FAM181A: variants seen among roughly 807,000 people sequenced by gnomAD.
FAM181A encodes the protein family with sequence similarity 181 member A.
Under a neutral mutation model 16.3 loss-of-function variants are expected in FAM181A, and 7 were observed. That is an observed-to-expected ratio of 0.43 (90% confidence interval 0.24 to 0.81). The LOEUF is 0.81. FAM181A is among the 30% of genes least tolerant of loss of function. The pLI, the probability that FAM181A is intolerant of heterozygous loss-of-function variation, is 0.24. For missense variants in FAM181A, 349 were observed against 377.5 expected (o/e 0.92, Z 0.63); for synonymous variants, 183 against 164.9 (o/e 1.11, Z -0.84).
chr14:93,919,212 T>A (rs1445714525), intron 1 of FAM181A, among the ~76,000 whole-genome samples: 1 of 152,162 alleles, frequency 6.6e-6, no homozygotes, highest in African/African-American at 2.4e-5. Context: ...GAGATTGATG[T>A]GTTTGTTGAG....
At chr14:93,921,592 TA>T (rs1887726056) in intron 1 of FAM181A, among the ~76,000 whole-genome samples, 1 of 152,238 alleles carries the variant, frequency 6.6e-6, no homozygotes, top group Non-Finnish European at 1.5e-5. Flanking sequence ...AGAGGTTACA[TA>T]AATCATCTTG....
Position 93,928,618 on chromosome 14 carries a change from G to A in FAM181A, c.333G>A (p.Lys111=). Residue 111 remains lysine, a synonymous_variant, in exon 2 of 2, where the codon AAG becomes AAA. Transcript: ENST00000556222. ...RNPYREECLA[K]EQLPQRQHPE... ...CCTACAGGGAGGAATGTCTTGCTAA[G>A]GAGCAGCTCCCACAGAGGCAGCATC... 4 of 1,613,962 alleles carry A rather than the reference G, an allele frequency of 2.5e-6. No homozygotes were observed. The highest frequency in any genetic ancestry group is 3.4e-6 in the Non-Finnish European group (4 of 1,179,984).
rs565611103 is a variant in FAM181A at position 93,920,142 on chromosome 14, G to A, written c.-225+1148G>A. ...TTAGAAGTGAAATGCAGTCAGGTGT[G>A]GTGGCTCATACCTGTAATCCCAGCA... On this transcript the variant is annotated intron_variant, in intron 1 of 2. Transcript: ENST00000267594. Among the ~76,000 whole-genome samples, 3 of 152,298 alleles carry A rather than the reference G, an allele frequency of 2.0e-5. No individual in the cohort carries two copies. The East Asian group carries it at 5.8e-4, about 29-fold the overall frequency.
At chr14:93,921,082 C>T (rs1008778248) in intron 1 of FAM181A, among the ~76,000 whole-genome samples, 5 of 152,194 alleles carry the variant, frequency 3.3e-5, no homozygotes, top group East Asian at 3.8e-4. Context: ...CACTGTATCA[C>T]GATAGCACCA....
rs534202980 is a variant in FAM181A, at chr14:93,928,925, T to C, written c.640T>C (p.Cys214Arg). Residue 214 changes from cysteine to arginine, a missense_variant, in exon 2 of 2, where the codon TGC becomes CGC. Coordinates refer to ENST00000556222, the MANE Select transcript of FAM181A (RefSeq NM_001207073.2). ...LVGRVNAWSC[C>R]PFQYHGQPIY... The stretch of plus-strand genomic sequence containing the variant: ...GGGCCGCGTCAATGCCTGGAGTTGC[T>C]GCCCCTTCCAGTACCATGGACAGCC... 1.1e-5 allele frequency: 17 copies of C among 1,614,160 alleles called. No individual in the cohort carries two copies. Among genetic ancestry groups the C allele is most frequent in the Non-Finnish European group, 1.4e-5 (16 of 1,180,004 alleles).
In FAM181A at chr14:93,927,361, C is replaced by G; in HGVS notation, c.-181C>G. The G allele has an allele frequency of 8.9e-7, 1 of 1,128,486 alleles. No homozygotes were observed. The highest frequency in any genetic ancestry group is 1.1e-6 in the Non-Finnish European group (1 of 910,118). The allele number at this position is 1,128,486 out of a possible 1,614,324, so 69.9% of individuals were successfully genotyped here. A position where few individuals can be genotyped will look rare whatever the true frequency, so the allele number is the denominator to read the frequency against. On this transcript the variant is annotated 5_prime_UTR_variant, in exon 1 of 2. Transcript: ENST00000556222. Reference sequence around the variant, plus strand: ...CAAGGGTTGCACAACTGCTTCCAGCCGGACGGAGCTCGGCCGGCTGCGCCG... The same window carrying G: ...CAAGGGTTGCACAACTGCTTCCAGCGGGACGGAGCTCGGCCGGCTGCGCCG...
At chr14:93,924,852 C>T (rs1160797252), upstream of FAM181A, among the ~76,000 whole-genome samples, 4 of 152,166 alleles carry the variant, frequency 2.6e-5, no homozygotes, top group Admixed American at 2.6e-4. Flanking sequence ...GTAACTCAAC[C>T]TCACTTCATT....
upstream of FAM181A, chr14:93,922,445 T>C (rs1037246163): frequency 6.6e-6 from 1 of 152,172 alleles, no homozygotes; most frequent in African/African-American, 2.4e-5. Context: ...ATCCCAGCAC[T>C]TTGGGAGGCT....
upstream of FAM181A, among the ~76,000 whole-genome samples, chr14:93,926,691 C>T (rs549629672): frequency 7.9e-5 from 12 of 152,258 alleles, no homozygotes; most frequent in South Asian, 2.1e-4. This position sits in a 1 kb window ranked among gnomAD's most constrained non-coding sequence, Gnocchi z 5.2. Flanking sequence ...CCCAGCACCT[C>T]GTTAGAGAGT....
Position 93,927,400 on chromosome 14 carries a change from G to C in FAM181A, c.-142G>C. 2 of 1,162,050 alleles carry C rather than the reference G, an allele frequency of 1.7e-6. No individual in the cohort carries two copies. Among genetic ancestry groups the C allele is most frequent in the Non-Finnish European group, 2.2e-6 (2 of 926,514 alleles). 72.0% of individuals were successfully genotyped at this position (1,162,050 alleles called of 1,614,324 possible). A position where few individuals can be genotyped will look rare whatever the true frequency, so the allele number is the denominator to read the frequency against. ...CCGGCTGCGCCGGGGCCTGTCCCAG[G>C]TCTGCAGTGGGGAACCTGCCGGGCC... On this transcript the variant is annotated 5_prime_UTR_variant, in exon 1 of 2. Transcript: ENST00000556222.
At position 93,928,947 on chromosome 14, in the gene FAM181A, A is replaced by T; in HGVS notation, c.662A>T (p.Gln221Leu). 1 of 1,614,126 alleles carries T rather than the reference A, an allele frequency of 6.2e-7. No homozygotes were observed. Among genetic ancestry groups the T allele is most frequent in the Non-Finnish European group, 8.5e-7 (1 of 1,179,984 alleles). The change falls in exon 2 of 2, where the codon CAG becomes CTG. Residue 221 changes from glutamine to leucine, a missense_variant. Gln to Leu is a moderately radical substitution (Grantham distance 113, BLOSUM62 -2). Transcript: ENST00000556222. Reference sequence around the variant, plus strand: ...TGCTGCCCCTTCCAGTACCATGGACAGCCCATCTATCCGGGCCCCCTGGGG... The same window carrying T: ...TGCTGCCCCTTCCAGTACCATGGACTGCCCATCTATCCGGGCCCCCTGGGG... ...WSCCPFQYHG[Q>L]PIYPGPLGAL...
upstream of FAM181A, among the ~76,000 whole-genome samples, chr14:93,926,692 G>A (rs1277603734): frequency 6.6e-6 from 1 of 151,996 alleles, no homozygotes; most frequent in African/African-American, 2.4e-5. The surrounding 1 kb of genome is among the most constrained non-coding windows in gnomAD (Gnocchi z 5.2). Context: ...CCAGCACCTC[G>A]TTAGAGAGTC....
In FAM181A at chr14:93,928,462, T is replaced by C. The variant is rs754966355; in HGVS notation, c.177T>C (p.Leu59=). The C allele has an allele frequency of 6.2e-7, 1 of 1,611,562 alleles. No homozygotes were observed. The highest frequency in any genetic ancestry group is 8.5e-7 in the Non-Finnish European group (1 of 1,178,206). ...AGTATTCCCGGCTCCCGCGGGGCCT[T>C]CCTGGCAGAGCTGCTGAGCCCTACC... is the stretch of plus-strand genomic sequence containing the variant. ...SQKYSRLPRG[L]PGRAAEPYLK... Residue 59 remains leucine, a synonymous_variant, in exon 2 of 2, where the codon CTT becomes CTC. Coordinates refer to ENST00000556222, the MANE Select transcript of FAM181A (RefSeq NM_001207073.2).
chr14:93,925,038 C>T (rs1887848077), upstream of FAM181A: 2 of 516,878 alleles, frequency 3.9e-6, no homozygotes, highest in Non-Finnish European at 6.7e-6. Context: ...TTCTCTGTTT[C>T]CTCAAAAAGT....
In FAM181A at chr14:93,928,279, C is replaced by G. The variant is rs773789739; in HGVS notation, c.-7C>G. ...CATGGAAAGCCTCGTGCAGTGGCCC[C>G]CTGGTGATGGCATCCGACAGTGATG... On this transcript the variant is annotated 5_prime_UTR_variant, in exon 2 of 2. Coordinates refer to ENST00000556222, the MANE Select transcript of FAM181A (RefSeq NM_001207073.2). The G allele has an allele frequency of 8.7e-6, 14 of 1,613,740 alleles. No homozygotes were observed. The highest frequency in any genetic ancestry group is 5.0e-5 in the Admixed American group (3 of 60,006).
In FAM181A at chr14:93,919,633, T is replaced by TTGGTGA. The variant is rs1434726947; in HGVS notation, c.-225+639_-225+640insTGGTGA. Among the ~76,000 whole-genome samples, 5 of 152,326 alleles carry TTGGTGA rather than the reference T, an allele frequency of 3.3e-5. No homozygotes were observed. In the East Asian group the frequency reaches 9.6e-4, roughly 29 times the overall value. Reference sequence around the variant, plus strand: ...CTGTACATAGTAGGTGTCCACTAAATGCTTTAGAACCACTTGGTGAGCATT... The same window carrying TTGGTGA: ...CTGTACATAGTAGGTGTCCACTAAATTGGTGAGCTTTAGAACCACTTGGTGAGCATT... On this transcript the variant is annotated intron_variant, in intron 1 of 2. Transcript: ENST00000267594.
Position 93,928,740 on chromosome 14 carries a change from G to A in FAM181A, c.455G>A (p.Gly152Glu), listed in dbSNP as rs375557978. 2 of 1,613,860 alleles carry A rather than the reference G, an allele frequency of 1.2e-6. No individual in the cohort carries two copies. The highest frequency in any genetic ancestry group is 1.7e-6 in the Non-Finnish European group (2 of 1,179,974). ...AGGCCCACCCACAGCTACCATGTGG[G>A]GCTGGAGGGGGGACTGGGCCCCAGG... ...EPRPTHSYHV[G>E]LEGGLGPREG... Residue 152 changes from glycine to glutamate, a missense_variant, in exon 2 of 2, where the codon GGG (glycine) becomes GAG (glutamate). Coordinates refer to ENST00000556222, the MANE Select transcript of FAM181A (RefSeq NM_001207073.2).
chr14:93,928,020 G>A (rs1197063635), intron 1 of FAM181A, among the ~76,000 whole-genome samples, 179 bp from the exon 2 acceptor site: 2 of 152,148 alleles, frequency 1.3e-5, no homozygotes, highest in African/African-American at 4.8e-5. Context: ...GGTGCCTGCC[G>A]CATCCCAGGT....
In FAM181A at chr14:93,928,929, C is replaced by G; in HGVS notation, c.644C>G (p.Pro215Arg). Residue 215 changes from proline to arginine, a missense_variant, in exon 2 of 2, where the codon CCC becomes CGC. Physicochemically the swap from Pro to Arg is moderately radical, Grantham distance 103. Transcript: ENST00000556222. ...VGRVNAWSCC[P>R]FQYHGQPIYP... The stretch of plus-strand genomic sequence containing the variant: ...CGCGTCAATGCCTGGAGTTGCTGCC[C>G]CTTCCAGTACCATGGACAGCCCATC... 6.2e-7 allele frequency: 1 copy of G among 1,614,140 alleles called. No homozygotes were observed. The highest frequency in any genetic ancestry group is 8.5e-7 in the Non-Finnish European group (1 of 1,180,004).
Sources: gnomAD v4.1 joint callset for allele counts (sites outside exome capture counted in the v4.1 genomes callset) on GRCh38, gnomAD v4.1.1 for gene constraint, Gnocchi (gnomAD v3.1) non-coding constraint, MANE v1.5 for transcripts, NCBI Gene and HGNC (gene_info 2026-07-23, HGNC 2026-07-21) for gene names.